Variants in TUBGCP3 observed in about 807,000 individuals in gnomAD.
TUBGCP3 encodes gamma-tubulin complex component 3.
Under a neutral mutation model 123.1 loss-of-function variants are expected in TUBGCP3, and 50 were observed. The ratio of observed to expected loss-of-function variants is 0.41; its 90% CI spans 0.32 to 0.51. TUBGCP3 has a LOEUF of 0.51. Ranked by LOEUF, TUBGCP3 falls within the 20% of genes least tolerant of loss-of-function variation. The pLI is 0.36. For synonymous variants in TUBGCP3, 405 were observed against 413.9 expected (o/e 0.98, Z 0.26); for missense variants, 882 against 1,127.0 (o/e 0.78, Z 3.11).
At chr13:112,527,166 G>A in intron 12 of TUBGCP3, 116 bp from the exon 13 acceptor site, 1 of 923,328 alleles carries the variant, frequency 1.1e-6, no homozygotes, top group East Asian at 2.6e-5. Context: ...AAGAGCATCT[G>A]CTACAGTATG....
chr13:112,592,273 T>C (rs1035776532), upstream of TUBGCP3, among the ~76,000 whole-genome samples: 25 of 152,218 alleles, frequency 1.6e-4, no homozygotes, highest in Admixed American at 1.5e-3. This position sits in a 1 kb window ranked among gnomAD's most constrained non-coding sequence, Gnocchi z 4.1. Context: ...TACTGGTTCT[T>C]AAATGTAACA....
chr13:112,492,404 T>C (rs3825498), intron 20 of TUBGCP3, among the ~76,000 whole-genome samples: 13,618 of 152,268 alleles, frequency 0.089, 1,587 homozygotes, highest in African/African-American at 0.26. Flanking sequence ...TATAAAAAAG[T>C]ATAAAAACTC....
chr13:112,508,007 T>C lies in TUBGCP3; in HGVS notation c.2087-3293A>G, dbSNP rs1881419049. ...ACCCATCTACCAAACAACACTGTCA[T>C]GCAATGCTCAGTGTCAGCCTAAACT... On this transcript the variant is annotated intron_variant, in intron 17 of 21. Coordinates refer to ENST00000261965, the MANE Select transcript of TUBGCP3 (RefSeq NM_006322.6). The surrounding 1 kb of genome is among the most constrained non-coding windows in gnomAD (Gnocchi z 4.2). 6.6e-6 allele frequency among the ~76,000 whole-genome samples: 1 copy of C among 152,150 alleles called. No homozygotes were observed. Among genetic ancestry groups the C allele is most frequent in the Non-Finnish European group, 1.5e-5 (1 of 68,012 alleles).
chr13:112,584,558 A>T (rs1882482684), intron 1 of TUBGCP3, among the ~76,000 whole-genome samples: 1 of 152,252 alleles, frequency 6.6e-6, no homozygotes, highest in South Asian at 2.1e-4. Context: ...CACTTGTGGT[A>T]CTGAATCACC....
intron 3 of TUBGCP3, among the ~76,000 whole-genome samples, chr13:112,563,896 AAT>A (rs1298040404): frequency 6.6e-6 from 1 of 151,742 alleles, no homozygotes; most frequent in Non-Finnish European, 1.5e-5. Context: ...AAAGTGTCTA[AAT>A]ATGTTTTCAT....
chr13:112,491,510 T>G (rs1032610275), intron 20 of TUBGCP3, among the ~76,000 whole-genome samples: 1 of 152,236 alleles, frequency 6.6e-6, no homozygotes, highest in African/African-American at 2.4e-5. Flanking sequence ...ATGTTTACTG[T>G]TTTGTGCTCT....
Position 112,569,327 on chromosome 13 carries a change from A to G in TUBGCP3, c.77-68T>C, listed in dbSNP as rs1002338750. ...TACGTTCTGGTCACCTGAAGCTTCC[A>G]GTTCAAGACAGTGAACTAGTAATAA... On this transcript the variant is annotated intron_variant, in intron 1 of 21. Transcript: ENST00000261965. 7 of 1,413,442 alleles carry G rather than the reference A, an allele frequency of 5.0e-6. No homozygotes were observed. In the African/African-American group the frequency reaches 8.4e-5, roughly 17 times the overall value. The allele number at this position is 1,413,442 out of a possible 1,614,324, so 87.6% of individuals were successfully genotyped here.
intron 21 of TUBGCP3, among the ~76,000 whole-genome samples, chr13:112,488,350 GAT>G (rs746774668): frequency 0.16 from 24,144 of 152,014 alleles, 1,983 homozygotes; most frequent in Middle Eastern, 0.2. Context: ...CTATCACTAA[GAT>G]CACATTGAGA....
chr13:112,490,749 G>C (rs75710460), intron 20 of TUBGCP3, among the ~76,000 whole-genome samples: 1 of 152,040 alleles, frequency 6.6e-6, no homozygotes, highest in Non-Finnish European at 1.5e-5. Context: ...TATCAGCTTC[G>C]TGATTCTTCT....
intron 11 of TUBGCP3, among the ~76,000 whole-genome samples, chr13:112,529,568 G>C (rs944246207): frequency 6.6e-6 from 1 of 152,126 alleles, no homozygotes; most frequent in African/African-American, 2.4e-5. Context: ...TCTTCAAGCC[G>C]CTCCTGCGTC....
At chr13:112,529,044 G>T (rs1019690367) in intron 11 of TUBGCP3, among the ~76,000 whole-genome samples, 1 of 151,716 alleles carries the variant, frequency 6.6e-6, no homozygotes, top group Non-Finnish European at 1.5e-5. Context: ...GTAGAGACAG[G>T]GTTTCACCAT....
chr13:112,531,645 G>C (rs1202095595), intron 11 of TUBGCP3, among the ~76,000 whole-genome samples: 2 of 152,108 alleles, frequency 1.3e-5, no homozygotes, highest in Non-Finnish European at 2.9e-5. Context: ...GAAAATGTAA[G>C]CCATAAAAAA....
chr13:112,548,347 T>C (rs1312362436), intron 8 of TUBGCP3, among the ~76,000 whole-genome samples, 171 bp from the exon 9 acceptor site: 1 of 152,176 alleles, frequency 6.6e-6, no homozygotes, highest in African/African-American at 2.4e-5. Context: ...ATATATATTT[T>C]AATAATATGA....
At chr13:112,553,985 G>GT in intron 8 of TUBGCP3, 72 bp downstream of exon 8, 1 of 1,561,818 alleles carries the variant, frequency 6.4e-7, no homozygotes, top group South Asian at 1.2e-5. Context: ...CTATTTCACA[G>GT]TAAGATTTCA....
intron 17 of TUBGCP3, among the ~76,000 whole-genome samples, chr13:112,507,556 T>G (rs1264094568): frequency 6.6e-6 from 1 of 152,232 alleles, no homozygotes; most frequent in Non-Finnish European, 1.5e-5. Flanking sequence ...AAATTTTTTG[T>G]GGCTATTCTC....
At chr13:112,516,404 A>T in intron 17 of TUBGCP3, 36 bp downstream of exon 17, 1 of 1,536,326 alleles carries the variant, frequency 6.5e-7, no homozygotes, top group African/African-American at 1.4e-5. Context: ...GGCCGCTGGG[A>T]GTGTGTGCGG....
intron 20 of TUBGCP3, among the ~76,000 whole-genome samples, chr13:112,496,093 T>C (rs1247926729): frequency 1.3e-5 from 2 of 152,182 alleles, no homozygotes; most frequent in African/African-American, 4.8e-5. Flanking sequence ...GGTGCATGCA[T>C]GGATGCATTA....
At chr13:112,556,363 C>T in intron 5 of TUBGCP3, 139 bp from the exon 6 acceptor site, 1 of 840,926 alleles carries the variant, frequency 1.2e-6, no homozygotes, top group Non-Finnish European at 1.8e-6. Flanking sequence ...TGACTTTACC[C>T]TAACCGAATA....
chr13:112,546,593 T>C (rs1879011808), intron 10 of TUBGCP3: 1 of 152,212 alleles, frequency 6.6e-6, no homozygotes, highest in Non-Finnish European at 1.5e-5. Flanking sequence ...AGTGGGGCTG[T>C]GAGATTGAAT....
Sources: gnomAD v4.1 joint callset for allele counts (sites outside exome capture counted in the v4.1 genomes callset) on GRCh38, gnomAD v4.1.1 for gene constraint, Gnocchi (gnomAD v3.1) non-coding constraint, MANE v1.5 for transcripts, NCBI Gene and HGNC (gene_info 2026-07-23, HGNC 2026-07-21) for gene names.